The following KCNIP1 variants were observed in gnomAD, a reference collection of about 807,000 sequenced individuals.
KCNIP1 encodes A-type potassium channel modulatory protein KCNIP1.
Under a neutral mutation model 33.0 loss-of-function variants are expected in KCNIP1, and 18 were observed. The ratio of observed to expected loss-of-function variants is 0.55; its 90% CI spans 0.38 to 0.81. The LOEUF is 0.81. Among genes scored for constraint, KCNIP1 ranks in the 30% least tolerant of loss-of-function variants. KCNIP1 has a pLI of 0.00. For missense variants in KCNIP1, 238 were observed against 271.6 expected, an observed-to-expected ratio of 0.88 and a Z score of 0.87; for synonymous variants, 93 against 98.3, an observed-to-expected ratio of 0.95 and a Z score of 0.32.
intron 1 of KCNIP1, among the ~76,000 whole-genome samples, chr5:170,410,355 GAC>G (rs1755152616): frequency 6.9e-6 from 1 of 145,318 alleles, no homozygotes; most frequent in South Asian, 2.1e-4. Context: ...GGAGATCGCA[GAC>G]ACAGTGCAGG....
chr5:170,394,653 T>C (rs1754709269), intron 1 of KCNIP1, among the ~76,000 whole-genome samples: 1 of 152,158 alleles, frequency 6.6e-6, no homozygotes, highest in Non-Finnish European at 1.5e-5. Flanking sequence ...GTTGTGAGGG[T>C]GTAATGCGTG....
At chr5:170,651,127 A>G (rs143769940) in intron 1 of KCNIP1, among the ~76,000 whole-genome samples, 7 of 152,282 alleles carry the variant, frequency 4.6e-5, no homozygotes, top group African/African-American at 1.4e-4. Context: ...GGGGACAGCT[A>G]GAGAAATGTG....
chr5:170,709,487 G>GT (rs1561777138), intron 1 of KCNIP1, among the ~76,000 whole-genome samples: 2 of 152,080 alleles, frequency 1.3e-5, no homozygotes, highest in Admixed American at 1.3e-4. Context: ...TGTTTGCATG[G>GT]TATATCCTTT....
intron 1 of KCNIP1, among the ~76,000 whole-genome samples, chr5:170,401,816 C>T (rs1754912203): frequency 6.6e-6 from 1 of 151,928 alleles, no homozygotes; most frequent in African/African-American, 2.4e-5. Context: ...CCAGGCCCTG[C>T]ACTAGGCCTG....
At chr5:170,393,684 C>A (rs559888905) in intron 1 of KCNIP1, among the ~76,000 whole-genome samples, 1 of 152,090 alleles carries the variant, frequency 6.6e-6, no homozygotes, top group Admixed American at 6.5e-5. Context: ...AAAGTAAATG[C>A]CGATATTACA....
At chr5:170,665,485 A>C (rs4868008) in intron 1 of KCNIP1, among the ~76,000 whole-genome samples, 17,697 of 152,250 alleles carry the variant, frequency 0.12, 1,201 homozygotes, top group African/African-American at 0.18. Flanking sequence ...TCTTCATTTT[A>C]GAATAGTTTT....
At chr5:170,516,573 G>T (rs1171177872) in intron 1 of KCNIP1, among the ~76,000 whole-genome samples, 2 of 152,128 alleles carry the variant, frequency 1.3e-5, no homozygotes, top group African/African-American at 2.4e-5. Flanking sequence ...TCCCCCACCC[G>T]CCAACAGCAT....
rs1754641165 is a variant in KCNIP1, at chr5:170,504,721, C to CG, written c.61+90dup. Reference sequence around the variant, plus strand: ...GCTGTGCCACCTGCCTCCCTTAGTCCGGACTCTCCTCTCCACGAGGAGCCC... The same window carrying CG: ...GCTGTGCCACCTGCCTCCCTTAGTCCGGGACTCTCCTCTCCACGAGGAGCCC... On this transcript the variant is annotated intron_variant, in intron 1 of 7. Transcript: ENST00000328939. This position sits in a 1 kb window ranked among gnomAD's most constrained non-coding sequence, Gnocchi z 6.0. The CG allele has an allele frequency of 9.2e-7, 1 of 1,081,372 alleles. No individual in the cohort carries two copies. The highest frequency in any genetic ancestry group is 1.5e-5 in the African/African-American group (1 of 64,710). The allele number at this position is 1,081,372 out of a possible 1,614,324, so 67.0% of individuals were successfully genotyped here. A position where few individuals can be genotyped will look rare whatever the true frequency, so the allele number is the denominator to read the frequency against.
rs1227415950 is a variant in KCNIP1, at chr5:170,553,764, T to C, written c.61+49131T>C. ...CTGGGGTGAAGAGGTGAACCTCAGATGCCTATCTTGTTTAACCTTCTGTCT... is the reference window on the plus strand; with the variant it reads ...CTGGGGTGAAGAGGTGAACCTCAGACGCCTATCTTGTTTAACCTTCTGTCT... On this transcript the variant is annotated intron_variant, in intron 1 of 7. Transcript: ENST00000328939. Among the ~76,000 whole-genome samples, 3 of 152,252 alleles carry C rather than the reference T, an allele frequency of 2.0e-5. No individual in the cohort carries two copies. In the East Asian group the frequency reaches 5.8e-4, roughly 29 times the overall value.
At chr5:170,562,985 C>A (rs980489890) in intron 1 of KCNIP1, among the ~76,000 whole-genome samples, 2 of 152,214 alleles carry the variant, frequency 1.3e-5, no homozygotes, top group South Asian at 4.1e-4. Context: ...TTGTAGACTG[C>A]AACTTTGGTA....
chr5:170,354,986 G>T (rs6860569), intron 1 of KCNIP1, among the ~76,000 whole-genome samples: 2 of 152,208 alleles, frequency 1.3e-5, no homozygotes, highest in East Asian at 3.9e-4. Flanking sequence ...TTTACAAAAT[G>T]ACAATGAGAG....
intron 7 of KCNIP1, among the ~76,000 whole-genome samples, chr5:170,734,546 T>C (rs1316997972): frequency 1.3e-5 from 2 of 152,184 alleles, no homozygotes; most frequent in Non-Finnish European, 2.9e-5. Context: ...GGAACACAAC[T>C]TTCATTAAGT....
At chr5:170,450,706 A>G (rs1230428869) in intron 1 of KCNIP1, among the ~76,000 whole-genome samples, 1 of 152,112 alleles carries the variant, frequency 6.6e-6, no homozygotes, top group Admixed American at 6.6e-5. Context: ...CGATCCCCAG[A>G]AACAGTTTCC....
chr5:170,520,789 C>T (rs968695782), intron 1 of KCNIP1, among the ~76,000 whole-genome samples: 1 of 152,202 alleles, frequency 6.6e-6, no homozygotes, highest in African/African-American at 2.4e-5. Flanking sequence ...CCCTTCTCAA[C>T]CCAGACACCA....
intron 1 of KCNIP1, among the ~76,000 whole-genome samples, chr5:170,464,964 G>C (rs932949861): frequency 6.6e-6 from 1 of 152,178 alleles, no homozygotes; most frequent in African/African-American, 2.4e-5. Context: ...GCAAGCTCCA[G>C]AGCTCCCATA....
chr5:170,504,084 C>A lies in KCNIP1; in HGVS notation c.-489C>A. ...AGGCGGGCGCGCTGTGGCTCCGCGC[C>A]GCGCGGTCCGGGCTCTGTTCATTCA... On this transcript the variant is annotated 5_prime_UTR_variant, in exon 1 of 8. Coordinates refer to ENST00000328939, the MANE Select transcript of KCNIP1 (RefSeq NM_014592.4). This position sits in a 1 kb window ranked among gnomAD's most constrained non-coding sequence, Gnocchi z 6.0. 1 of 985,690 alleles carries A rather than the reference C, an allele frequency of 1.0e-6. No individual in the cohort carries two copies. Among genetic ancestry groups the A allele is most frequent in the South Asian group, 4.7e-5 (1 of 21,474 alleles). The allele number at this position is 985,690 out of a possible 1,614,324, so 61.1% of individuals were successfully genotyped here. A position where few individuals can be genotyped will look rare whatever the true frequency, so the allele number is the denominator to read the frequency against.
chr5:170,361,769 AAG>A (rs1228047627), intron 1 of KCNIP1, among the ~76,000 whole-genome samples: 3 of 152,138 alleles, frequency 2.0e-5, no homozygotes, highest in Non-Finnish European at 4.4e-5. Context: ...ACGTGGAGGA[AAG>A]AGAGTAAGCT....
intron 1 of KCNIP1, among the ~76,000 whole-genome samples, chr5:170,574,875 A>G (rs919234073): frequency 5.3e-5 from 8 of 152,176 alleles, no homozygotes; most frequent in African/African-American, 1.7e-4. Context: ...CCGTGCAGAC[A>G]TGGGGGAAAC....
rs1303234300 is a variant in KCNIP1 at position 170,721,882 on chromosome 5, G to T, written c.306G>T (p.Gln102His). ...HYLFNAFDTT[Q>H]TGSVKFEDFV... The stretch of plus-strand genomic sequence containing the variant: ...TCTTCAATGCCTTCGACACCACTCA[G>T]ACAGGCTCCGTGAAGTTCGAGGTAC... Residue 102 changes from glutamine to histidine, a missense_variant, in exon 4 of 8, where the codon CAG becomes CAT. Transcript: ENST00000328939. 1 of 1,614,102 alleles carries T rather than the reference G, an allele frequency of 6.2e-7. No individual in the cohort carries two copies. The highest frequency in any genetic ancestry group is 1.1e-5 in the South Asian group (1 of 91,068).
Sources: gnomAD v4.1 joint callset for allele counts (sites outside exome capture counted in the v4.1 genomes callset) on GRCh38, gnomAD v4.1.1 for gene constraint, Gnocchi (gnomAD v3.1) non-coding constraint, MANE v1.5 for transcripts, NCBI Gene and HGNC (gene_info 2026-07-23, HGNC 2026-07-21) for gene names.